RALGPS1: variants seen among roughly 807,000 people sequenced by gnomAD.
The protein encoded by RALGPS1 is Ral GEF with PH domain and SH3 binding motif 1.
A neutral mutation model predicts 78.8 loss-of-function variants in RALGPS1; 19 were observed. That is an observed-to-expected ratio of 0.24 (90% CI 0.17 to 0.35). RALGPS1 has a LOEUF of 0.35. RALGPS1 is among the 10% of genes least tolerant of loss of function. RALGPS1 has a pLI of 1.00. For missense variants in RALGPS1, 454 were observed against 688.3 expected (o/e 0.66, Z 3.81); for synonymous variants, 228 against 256.3 (o/e 0.89, Z 1.06).
At chr9:127,004,225 A>C (rs575506889) in intron 4 of RALGPS1, among the ~76,000 whole-genome samples, 5 of 152,170 alleles carry the variant, frequency 3.3e-5, no homozygotes, top group African/African-American at 1.2e-4. Context: ...AGCTCACTGC[A>C]GCCTTTGCCT....
intron 4 of RALGPS1, among the ~76,000 whole-genome samples, chr9:127,025,311 G>A (rs530788408): frequency 2.0e-5 from 3 of 152,274 alleles, no homozygotes; most frequent in Non-Finnish European, 2.9e-5. Context: ...GTGGAAATCC[G>A]GGTTGTTTCT....
At chr9:126,923,546 G>C (rs1009198865) in intron 1 of RALGPS1, among the ~76,000 whole-genome samples, 2 of 152,178 alleles carry the variant, frequency 1.3e-5, no homozygotes, top group Non-Finnish European at 2.9e-5. Flanking sequence ...GGAATGATGG[G>C]TTTAAGGTCT....
At chr9:126,922,914 G>A (rs184548892) in intron 1 of RALGPS1, among the ~76,000 whole-genome samples, 116 of 152,258 alleles carry the variant, frequency 7.6e-4, no homozygotes, top group Non-Finnish European at 1.3e-3. Context: ...TAGCATGGCC[G>A]GTGAGGTGTA....
intron 10 of RALGPS1, among the ~76,000 whole-genome samples, chr9:127,171,360 TTAAC>T (rs1244814196): frequency 2.3e-5 from 3 of 129,912 alleles, no homozygotes; most frequent in Admixed American, 8.3e-5. Context: ...TCATTTTAAT[TTAAC>T]TAGAAAAAAA....
intron 4 of RALGPS1, among the ~76,000 whole-genome samples, chr9:127,026,801 C>T (rs962124339): frequency 1.6e-4 from 24 of 152,220 alleles, no homozygotes; most frequent in Non-Finnish European, 3.1e-4. Flanking sequence ...GCAGGTTGCC[C>T]ACACTGCAGG....
At chr9:126,983,697 T>G (rs1046974603) in intron 4 of RALGPS1, among the ~76,000 whole-genome samples, 2 of 152,152 alleles carry the variant, frequency 1.3e-5, no homozygotes, top group African/African-American at 2.4e-5. Flanking sequence ...CCATCCTCCC[T>G]CTCCTCCCTC....
Position 127,222,345 on chromosome 9 carries a change from A to T in RALGPS1, c.*3576A>T, listed in dbSNP as rs2062794067. ...CAGTTGCAATGAGGATGAAGTCACTATCCTAGAGGCTGCTTGGCCCAGAAG... is the reference window on the plus strand; with the variant it reads ...CAGTTGCAATGAGGATGAAGTCACTTTCCTAGAGGCTGCTTGGCCCAGAAG... On this transcript the variant is annotated 3_prime_UTR_variant, in exon 19 of 19. Coordinates refer to ENST00000259351, the MANE Select transcript of RALGPS1 (RefSeq NM_014636.3). 6.6e-6 allele frequency: 1 copy of T among 152,232 alleles called. No homozygotes were observed. The allele number at this position is 152,232 out of a possible 1,614,324, so 9.4% of individuals were successfully genotyped here. A position where few individuals can be genotyped will look rare whatever the true frequency, so the allele number is the denominator to read the frequency against.
rs568034411 is a variant in RALGPS1 at position 127,026,443 on chromosome 9, A to G, written c.217-7988A>G. Among the ~76,000 whole-genome samples, 71 of 104,124 alleles carry G rather than the reference A, an allele frequency of 6.8e-4. 1 individual carries two copies. The South Asian group carries it at 0.015, about 23-fold the overall frequency. 68.3% of individuals were successfully genotyped at this position (104,124 alleles called of 152,430 possible). A position where few individuals can be genotyped will look rare whatever the true frequency, so the allele number is the denominator to read the frequency against. ...TCCTTCCGTCCAATCAAGTTGACAC[A>G]GTATTAACCATCATCACAATTGGGT... On this transcript the variant is annotated intron_variant, in intron 4 of 18. Coordinates refer to ENST00000259351, the MANE Select transcript of RALGPS1 (RefSeq NM_014636.3).
chr9:126,951,774 C>T (rs960628904), intron 1 of RALGPS1, among the ~76,000 whole-genome samples: 2 of 152,194 alleles, frequency 1.3e-5, no homozygotes, highest in Non-Finnish European at 2.9e-5. Flanking sequence ...CAGTGATGCC[C>T]TCTCTCACCA....
intron 7 of RALGPS1, among the ~76,000 whole-genome samples, chr9:127,061,091 G>A (rs2049176564): frequency 6.6e-6 from 1 of 152,214 alleles, no homozygotes; most frequent in Non-Finnish European, 1.5e-5. Flanking sequence ...GGCACATGAT[G>A]AAAGCTGGTG....
chr9:127,023,823 G>A (rs544788495), intron 4 of RALGPS1, among the ~76,000 whole-genome samples: 28 of 152,206 alleles, frequency 1.8e-4, no homozygotes, highest in African/African-American at 6.3e-4. Flanking sequence ...ATCATCTGAC[G>A]TCAGGATTTG....
At chr9:127,162,352 A>G (rs1286463679) in intron 8 of RALGPS1, among the ~76,000 whole-genome samples, 4 of 152,232 alleles carry the variant, frequency 2.6e-5, no homozygotes, top group Non-Finnish European at 4.4e-5. Flanking sequence ...ACATGGTACA[A>G]GTGGAAGGTG....
At chr9:126,977,621 G>C in intron 3 of RALGPS1, 74 bp from the exon 4 acceptor site, 1 of 1,049,524 alleles carries the variant, frequency 9.5e-7, no homozygotes, top group Non-Finnish European at 1.4e-6. Flanking sequence ...GAGTGTATAT[G>C]ACTCTGTATA....
intron 8 of RALGPS1, among the ~76,000 whole-genome samples, chr9:127,125,227 A>G (rs1304693789): frequency 6.6e-6 from 1 of 152,254 alleles, no homozygotes; most frequent in Non-Finnish European, 1.5e-5. Context: ...AGGCTCAACA[A>G]AAAGCTCTTG....
chr9:126,956,966 C>T (rs1344534282), intron 1 of RALGPS1, among the ~76,000 whole-genome samples: 1 of 152,210 alleles, frequency 6.6e-6, no homozygotes, highest in Non-Finnish European at 1.5e-5. Context: ...CAGGCCTTGG[C>T]ATTGACTGAC....
At position 126,970,692 on chromosome 9, in the gene RALGPS1, A is replaced by G. The variant is rs72764337; in HGVS notation, c.165+4741A>G. ...TAGTGGCTATGGTGTTGAACACTAC[A>G]TGAAAGCAACCTAAAACAGCTGTGT... is the stretch of plus-strand genomic sequence containing the variant. On this transcript the variant is annotated intron_variant, in intron 3 of 18. Transcript: ENST00000259351. Among the ~76,000 whole-genome samples the G allele has an allele frequency of 8.2e-3, 1,244 of 152,300 alleles. 7 individuals are homozygous for G. Among genetic ancestry groups the G allele is most frequent in the Non-Finnish European group, 0.013 (909 of 68,024 alleles).
Position 126,924,010 on chromosome 9 carries a change from C to T in RALGPS1, c.-66+9035C>T, listed in dbSNP as rs200035472. On this transcript the variant is annotated intron_variant, in intron 1 of 18. Coordinates refer to ENST00000259351, the MANE Select transcript of RALGPS1 (RefSeq NM_014636.3). ...CTTTGTGCTTATCACATATAGTGTC[C>T]GTCTATCCTGATGGTTACCAATCAT... Among the ~76,000 whole-genome samples the T allele has an allele frequency of 3.9e-5, 6 of 152,114 alleles. No homozygotes were observed. In the East Asian group the frequency reaches 9.6e-4, roughly 24 times the overall value.
chr9:127,141,630 A>C (rs2057785225), intron 8 of RALGPS1, among the ~76,000 whole-genome samples: 1 of 151,162 alleles, frequency 6.6e-6, no homozygotes, highest in Admixed American at 6.6e-5. Flanking sequence ...AAAAAAAAAA[A>C]AAAAAAAAAA....
At chr9:127,070,834 A>T (rs1183648665) in intron 8 of RALGPS1, among the ~76,000 whole-genome samples, 1 of 151,900 alleles carries the variant, frequency 6.6e-6, no homozygotes, top group South Asian at 2.1e-4. Flanking sequence ...TTCTTTCATG[A>T]GCATTGTTTA....
Sources: allele counts gnomAD v4.1 joint callset (sites outside exome capture counted in the v4.1 genomes callset), GRCh38; gene constraint gnomAD v4.1.1; transcripts MANE v1.5; gene names NCBI Gene and HGNC (gene_info 2026-07-23, HGNC 2026-07-21).